Variants in NSMCE2 observed in about 807,000 individuals in gnomAD.
The protein encoded by NSMCE2 is E3 SUMO-protein ligase NSE2.
A neutral mutation model predicts 23.8 loss-of-function variants in NSMCE2; 24 were observed. That is an observed-to-expected ratio of 1.01 (90% CI 0.73 to 1.42). The LOEUF (loss-of-function observed/expected upper bound fraction) is 1.42, where lower values mean the gene tolerates loss of function less well. NSMCE2 is among the 40% of genes most tolerant of loss of function. The pLI, the probability that NSMCE2 is intolerant of heterozygous loss-of-function variation, is 0.00. For missense variants in NSMCE2, 284 were observed against 296.5 expected (o/e 0.96, Z 0.31); for synonymous variants, 92 against 94.1 (o/e 0.98, Z 0.13).
chr8:125,113,620 C>G (rs960348917), intron 3 of NSMCE2, among the ~76,000 whole-genome samples: 5 of 152,048 alleles, frequency 3.3e-5, no homozygotes, highest in South Asian at 4.1e-4. Flanking sequence ...GGATTAGAAC[C>G]TGAACACAAT....
intron 3 of NSMCE2, among the ~76,000 whole-genome samples, chr8:125,131,931 C>G (rs569035009): frequency 4.6e-5 from 7 of 152,164 alleles, no homozygotes; most frequent in Middle Eastern, 3.2e-3. Context: ...GAATTCAAAT[C>G]TGGGCAGCCT....
chr8:125,135,326 C>T (rs1220755532), intron 3 of NSMCE2, among the ~76,000 whole-genome samples: 1 of 152,152 alleles, frequency 6.6e-6, no homozygotes, highest in African/African-American at 2.4e-5. Context: ...GCTGGAATTA[C>T]AAGCTCGAGC....
At chr8:125,142,063 A>G (rs1005721133) in intron 3 of NSMCE2, among the ~76,000 whole-genome samples, 2 of 152,172 alleles carry the variant, frequency 1.3e-5, no homozygotes, top group Non-Finnish European at 2.9e-5. Flanking sequence ...GATGATTTTC[A>G]CTTGCTACCT....
intron 5 of NSMCE2, among the ~76,000 whole-genome samples, chr8:125,250,641 A>ATTTGT (rs976241247): frequency 3.3e-5 from 5 of 151,600 alleles, no homozygotes; most frequent in South Asian, 2.1e-4. Context: ...ATTTCTTCGG[A>ATTTGT]TTTGTTTTGT....
chr8:125,200,877 C>T (rs1321565518), intron 5 of NSMCE2, among the ~76,000 whole-genome samples: 1 of 152,132 alleles, frequency 6.6e-6, no homozygotes, highest in Admixed American at 6.6e-5. Context: ...TCTTTTTACT[C>T]TTTTTTCTCT....
intron 5 of NSMCE2, among the ~76,000 whole-genome samples, chr8:125,298,050 C>T (rs1037955166): frequency 6.6e-6 from 1 of 152,148 alleles, no homozygotes. Flanking sequence ...CACCTGAGAT[C>T]AGAAGTTCAA....
intron 7 of NSMCE2, 26 bp downstream of exon 7, chr8:125,357,844 G>C (rs777451663): frequency 2.0e-6 from 3 of 1,470,622 alleles, no homozygotes; most frequent in Non-Finnish European, 2.9e-6. Context: ...GAAGGAAGTG[G>C]AGCCTTCCCT....
intron 5 of NSMCE2, among the ~76,000 whole-genome samples, chr8:125,347,326 T>C (rs761655895): frequency 6.6e-6 from 1 of 152,174 alleles, no homozygotes; most frequent in Non-Finnish European, 1.5e-5. Context: ...TATCCTTCCC[T>C]CTTCTTATCA....
chr8:125,297,684 T>A (rs1457530918), intron 5 of NSMCE2, among the ~76,000 whole-genome samples: 6 of 148,806 alleles, frequency 4.0e-5, no homozygotes, highest in Admixed American at 6.7e-5. Flanking sequence ...AAAAAAAAAA[T>A]TAAAGCCAGG....
intron 5 of NSMCE2, among the ~76,000 whole-genome samples, chr8:125,313,137 GAGAA>G (rs1481775077): frequency 2.1e-5 from 3 of 140,160 alleles, no homozygotes; most frequent in African/African-American, 7.9e-5. Context: ...AGGAAGGAAG[GAGAA>G]AGAAAGAAGG....
At chr8:125,272,772 CACACGTATATATATACACAT>C (rs1388537908) in intron 5 of NSMCE2, among the ~76,000 whole-genome samples, 1 of 142,574 alleles carries the variant, frequency 7.0e-6, no homozygotes, top group Admixed American at 6.9e-5. Context: ...TATATACACA[CACACGTATATATATACACAT>C]GTGTATATAT....
intron 5 of NSMCE2, among the ~76,000 whole-genome samples, chr8:125,200,330 T>A (rs1261494084): frequency 6.6e-6 from 1 of 152,206 alleles, no homozygotes; most frequent in Non-Finnish European, 1.5e-5. Flanking sequence ...CCTTTCCATG[T>A]TTAGTGCTTC....
intron 5 of NSMCE2, among the ~76,000 whole-genome samples, chr8:125,326,931 G>A (rs1159529607): frequency 6.7e-6 from 1 of 149,204 alleles, no homozygotes; most frequent in Non-Finnish European, 1.5e-5. Context: ...ACTCCAGCCT[G>A]GGTGACATGA....
intron 4 of NSMCE2, among the ~76,000 whole-genome samples, chr8:125,152,785 C>T (rs975758426): frequency 3.9e-5 from 6 of 151,998 alleles, no homozygotes; most frequent in African/African-American, 1.2e-4. Flanking sequence ...TGGCTGGGCG[C>T]GGTAGCTCAC....
chr8:125,228,428 G>T (rs1825189746), intron 5 of NSMCE2, among the ~76,000 whole-genome samples: 1 of 152,120 alleles, frequency 6.6e-6, no homozygotes, highest in Admixed American at 6.5e-5. Context: ...GTAACACAAA[G>T]AAATAAATAT....
At chr8:125,097,569 G>A (rs1817997684) in intron 1 of NSMCE2, among the ~76,000 whole-genome samples, 1 of 152,096 alleles carries the variant, frequency 6.6e-6, no homozygotes, top group Admixed American at 6.5e-5. Context: ...TCCAGCTTAA[G>A]TGCCTTCATT....
intron 4 of NSMCE2, among the ~76,000 whole-genome samples, chr8:125,154,361 A>T (rs895001151): frequency 6.6e-6 from 1 of 152,154 alleles, no homozygotes; most frequent in Non-Finnish European, 1.5e-5. Context: ...GTATGGGTCA[A>T]CTTACCAACA....
At chr8:125,320,251 GGGAA>G (rs1184148348) in intron 5 of NSMCE2, among the ~76,000 whole-genome samples, 1,487 of 58,196 alleles carry the variant, frequency 0.026, 45 homozygotes, top group East Asian at 0.1. Context: ...GAGGGAGGGA[GGGAA>G]GGAAGGAAGG....
At chr8:125,132,397 TTC>T (rs1280908000) in intron 3 of NSMCE2, among the ~76,000 whole-genome samples, 2 of 152,218 alleles carry the variant, frequency 1.3e-5, no homozygotes, top group African/African-American at 4.8e-5. Flanking sequence ...GTTCATATTC[TTC>T]TGTGTTCAGC....
Sources: allele counts gnomAD v4.1 joint callset (sites outside exome capture counted in the v4.1 genomes callset), GRCh38; gene constraint gnomAD v4.1.1; transcripts MANE v1.5; gene names NCBI Gene and HGNC (gene_info 2026-07-23, HGNC 2026-07-21).